The following RNLS variants were observed in gnomAD, a reference collection of about 807,000 sequenced individuals.
RNLS encodes the protein renalase.
In RNLS, 39 loss-of-function variants were observed where a neutral mutation model predicts 39.8. That is an observed-to-expected ratio of 0.98 (90% CI 0.76 to 1.28). RNLS has a LOEUF of 1.28. RNLS is among the 50% of genes most tolerant of loss of function. The probability of loss-of-function intolerance (pLI) is 0.00; values close to 1 mark genes in which losing one functional copy is unlikely to be tolerated. For missense variants in RNLS, 410 were observed against 413.3 expected (o/e 0.99, Z 0.07); for synonymous variants, 147 against 150.7 (o/e 0.98, Z 0.18).
the RNLS span, among the ~76,000 whole-genome samples, chr10:88,214,290 A>G: frequency 1.3e-5 from 2 of 152,192 alleles, no homozygotes; most frequent in Non-Finnish European, 2.9e-5. Context: ...AGTCAGGCAA[A>G]GAGCCCTAGA....
chr10:88,346,420 C>T (rs921361507), intron 5 of RNLS, among the ~76,000 whole-genome samples: 2 of 152,134 alleles, frequency 1.3e-5, no homozygotes, highest in African/African-American at 4.8e-5. Context: ...AGGCATGGTA[C>T]AGAACATCCA....
chr10:88,356,480 G>T (rs528863511), intron 5 of RNLS, among the ~76,000 whole-genome samples: 11 of 152,092 alleles, frequency 7.2e-5, no homozygotes, highest in Non-Finnish European at 1.3e-4. Context: ...AAAGCCTCAG[G>T]CCCATCCCAG....
intron 4 of RNLS, among the ~76,000 whole-genome samples, chr10:88,511,647 AAAC>A (rs1213878737): frequency 6.6e-6 from 1 of 152,050 alleles, no homozygotes; most frequent in East Asian, 1.9e-4. Flanking sequence ...GGAATGAGGA[AAAC>A]AAGAGAAGTT....
intron 4 of RNLS, among the ~76,000 whole-genome samples, chr10:88,478,466 C>T (rs1020790009): frequency 2.0e-5 from 3 of 152,108 alleles, no homozygotes; most frequent in African/African-American, 7.2e-5. Flanking sequence ...TCCCTCACTA[C>T]CTATCATCTC....
chr10:88,529,091 T>C (rs1241913827), intron 4 of RNLS, among the ~76,000 whole-genome samples: 1 of 152,142 alleles, frequency 6.6e-6, no homozygotes, highest in Non-Finnish European at 1.5e-5. Flanking sequence ...GAAATATTTC[T>C]TCCTTACTCT....
chr10:88,513,161 A>AT (rs1846228479), intron 4 of RNLS, among the ~76,000 whole-genome samples: 1 of 152,034 alleles, frequency 6.6e-6, no homozygotes, highest in African/African-American at 2.4e-5. Flanking sequence ...TTTTTTCCCA[A>AT]TTTTTTGCAC....
chr10:88,464,686 A>C (rs1257166126), intron 4 of RNLS, among the ~76,000 whole-genome samples: 1 of 152,110 alleles, frequency 6.6e-6, no homozygotes, highest in Non-Finnish European at 1.5e-5. Context: ...CCTCTGTGGT[A>C]ACGGCTTACA....
intron 5 of RNLS, among the ~76,000 whole-genome samples, chr10:88,321,904 G>C (rs1846211599): frequency 6.6e-6 from 1 of 152,186 alleles, no homozygotes; most frequent in South Asian, 2.1e-4. Context: ...CAATCTCAAT[G>C]AAACGATTCC....
Position 88,285,348 on chromosome 10 carries a change from T to C in RNLS, c.*6A>G. 1.9e-6 allele frequency: 3 copies of C among 1,608,936 alleles called. No homozygotes were observed. Among genetic ancestry groups the C allele is most frequent in the Non-Finnish European group, 2.6e-6 (3 of 1,176,472 alleles). ...AATACACATGTAGAGAATAAGGATA[T>C]AGGCACTAAATATAATTCTTTAAAG... On this transcript the variant is annotated 3_prime_UTR_variant, in exon 7 of 7. Coordinates refer to ENST00000331772, the MANE Select transcript of RNLS (RefSeq NM_001031709.3).
chr10:88,518,662 C>T (rs1846536737), intron 4 of RNLS, among the ~76,000 whole-genome samples: 1 of 151,836 alleles, frequency 6.6e-6, no homozygotes, highest in South Asian at 2.1e-4. Context: ...ACCTGGGATG[C>T]TTAAGCACTT....
At position 88,573,017 on chromosome 10, in the gene RNLS, T is replaced by C. The variant is rs778639730; in HGVS notation, c.412A>G (p.Arg138Gly). The C allele has an allele frequency of 1.2e-5, 20 of 1,614,044 alleles. No homozygotes were observed. In the South Asian group the frequency reaches 2.2e-4, roughly 18 times the overall value. The change falls in exon 4 of 7, where the codon AGA becomes GGA. Residue 138 changes from arginine to glycine, a missense_variant. By Grantham distance (125) the Arg-to-Gly change is moderately radical. Coordinates refer to ENST00000331772, the MANE Select transcript of RNLS (RefSeq NM_001031709.3). ...TTGGATACTTCCCATTTGTCATCTC[T>C]TAGGTTGATCTGTGTCACACGATGT... is the stretch of plus-strand genomic sequence containing the variant. ...FRHRVTQINL[R>G]DDKWEVSKQT...
intron 5 of RNLS, among the ~76,000 whole-genome samples, chr10:88,354,727 C>T (rs540842462): frequency 5.9e-5 from 9 of 152,240 alleles, no homozygotes; most frequent in South Asian, 2.1e-4. Flanking sequence ...ATCTTTGTGG[C>T]GTTCTCTCTA....
At chr10:88,538,133 A>C (rs1847862065) in intron 4 of RNLS, among the ~76,000 whole-genome samples, 1 of 152,184 alleles carries the variant, frequency 6.6e-6, no homozygotes, top group Non-Finnish European at 1.5e-5. Context: ...AGATGTAGAG[A>C]GCCAGACAGG....
At chr10:88,180,323 T>C in the RNLS span, among the ~76,000 whole-genome samples, 1 of 152,194 alleles carries the variant, frequency 6.6e-6, no homozygotes, top group Non-Finnish European at 1.5e-5. Context: ...CAATATATTA[T>C]TGCAGCTGTA....
chr10:88,267,566 C>A, the RNLS span, among the ~76,000 whole-genome samples: 8 of 152,280 alleles, frequency 5.3e-5, no homozygotes, highest in South Asian at 1.7e-3. Flanking sequence ...CAGAGTGAGA[C>A]CCTGTCTCTA....
chr10:88,451,750 T>C (rs575422193), intron 4 of RNLS, among the ~76,000 whole-genome samples: 1 of 152,258 alleles, frequency 6.6e-6, no homozygotes, highest in East Asian at 1.9e-4. Context: ...AATATACACA[T>C]ATAAAACAAG....
intron 4 of RNLS, among the ~76,000 whole-genome samples, chr10:88,386,112 G>A (rs207471248): frequency 2.6e-5 from 4 of 152,020 alleles, no homozygotes; most frequent in African/African-American, 4.8e-5. Context: ...CCGAAATTTC[G>A]TACATTTCAC....
intron 4 of RNLS, among the ~76,000 whole-genome samples, chr10:88,428,632 T>G (rs569352072): frequency 4.6e-5 from 7 of 151,846 alleles, no homozygotes; most frequent in Non-Finnish European, 8.8e-5. Context: ...ACAGCCAGAT[T>G]GCCAGAGATC....
rs910334956 is a variant in RNLS at position 88,573,037 on chromosome 10, C to T, written c.392G>A (p.Arg131His). ...ESGAEVYFRH[R>H]VTQINLRDDK... ...ATCTCTTAGGTTGATCTGTGTCACA[C>T]GATGTCTGAAGTAGACTTCTGCACC... Residue 131 changes from arginine (R) to histidine (H), a missense_variant, in exon 4 of 7, where the codon CGT (arginine) becomes CAT (histidine). Arg to His is a conservative substitution (Grantham distance 29). Coordinates refer to ENST00000331772, the MANE Select transcript of RNLS (RefSeq NM_001031709.3). The T allele has an allele frequency of 2.5e-6, 4 of 1,613,810 alleles. No homozygotes were observed. The highest frequency in any genetic ancestry group is 2.7e-5 in the African/African-American group (2 of 74,908).
Sources: allele counts gnomAD v4.1 joint callset (sites outside exome capture counted in the v4.1 genomes callset), GRCh38; gene constraint gnomAD v4.1.1; transcripts MANE v1.5; gene names NCBI Gene and HGNC (gene_info 2026-07-23, HGNC 2026-07-21).